Variants in FBXL13 observed in about 807,000 individuals in gnomAD.
FBXL13 encodes the protein F-box and leucine-rich repeat protein 13.
A neutral mutation model predicts 83.6 loss-of-function variants in FBXL13; 67 were observed. The observed-to-expected ratio is 0.80, with a 90% CI of 0.66 to 0.98. FBXL13 has a LOEUF of 0.98. FBXL13 is among the 50% of genes least tolerant of loss of function. FBXL13 has a pLI of 0.00. For synonymous variants in FBXL13, 272 were observed against 299.5 expected (o/e 0.91, Z 0.95); for missense variants, 822 against 866.5 (o/e 0.95, Z 0.64).
At chr7:102,930,392 G>A (rs1389674747) in intron 9 of FBXL13, among the ~76,000 whole-genome samples, 1 of 151,926 alleles carries the variant, frequency 6.6e-6, no homozygotes, top group African/African-American at 2.4e-5. Flanking sequence ...CCATTTCCCT[G>A]CCCCTGTTTT....
At chr7:103,026,729 T>G (rs1793959797) in intron 5 of FBXL13, among the ~76,000 whole-genome samples, 2 of 152,206 alleles carry the variant, frequency 1.3e-5, no homozygotes. Flanking sequence ...TCTCAACATC[T>G]GAACCAAATT....
intron 6 of FBXL13, among the ~76,000 whole-genome samples, chr7:102,992,172 A>T (rs1829645367): frequency 6.6e-6 from 1 of 152,170 alleles, no homozygotes; most frequent in East Asian, 1.9e-4. Context: ...TGAAGGGAGA[A>T]AAAGAACAGC....
At chr7:103,011,693 T>C (rs932157602) in intron 6 of FBXL13, among the ~76,000 whole-genome samples, 3 of 145,508 alleles carry the variant, frequency 2.1e-5, no homozygotes, top group African/African-American at 7.6e-5. Flanking sequence ...AAAAACACAA[T>C]AATGTACTTG....
chr7:102,954,148 A>G (rs1208544648), intron 8 of FBXL13, among the ~76,000 whole-genome samples: 2 of 152,172 alleles, frequency 1.3e-5, no homozygotes, highest in Admixed American at 6.6e-5. Context: ...CAGGAAGCAC[A>G]AGGGGTCGGG....
chr7:102,852,434 C>T (rs943487836), intron 17 of FBXL13, among the ~76,000 whole-genome samples: 1 of 152,114 alleles, frequency 6.6e-6, no homozygotes, highest in African/African-American at 2.4e-5. Context: ...ACAATCTATA[C>T]ATCTGACAAA....
At chr7:103,064,115 A>G (rs746693493) in intron 1 of FBXL13, among the ~76,000 whole-genome samples, 1 of 152,150 alleles carries the variant, frequency 6.6e-6, no homozygotes, top group Non-Finnish European at 1.5e-5. Flanking sequence ...GTAATTGCCA[A>G]TGTTCCCAGG....
chr7:103,033,711 A>G (rs953096559), intron 2 of FBXL13, among the ~76,000 whole-genome samples: 2 of 152,230 alleles, frequency 1.3e-5, no homozygotes, highest in African/African-American at 4.8e-5. Context: ...TGTGGACCCA[A>G]AGAGTGAGCA....
chr7:102,835,701 C>T (rs1036336232), intron 17 of FBXL13, among the ~76,000 whole-genome samples: 2 of 137,666 alleles, frequency 1.5e-5, no homozygotes, highest in Non-Finnish European at 3.0e-5. Context: ...GCTCCGCCTC[C>T]CGGGTTCACG....
chr7:102,929,229 A>T (rs919414621), intron 9 of FBXL13, among the ~76,000 whole-genome samples: 6 of 152,200 alleles, frequency 3.9e-5, no homozygotes, highest in African/African-American at 1.4e-4. Context: ...GATGGATTTC[A>T]TGGGGAAAAA....
At chr7:102,921,162 G>A (rs564936362) in intron 10 of FBXL13, among the ~76,000 whole-genome samples, 5 of 151,712 alleles carry the variant, frequency 3.3e-5, no homozygotes, top group Admixed American at 1.3e-4. Flanking sequence ...AAAACAAAGC[G>A]AATTCAAGGC....
In FBXL13 at chr7:102,868,090, T is replaced by C. The variant is rs187331522; in HGVS notation, c.1635+9377A>G. 6.9e-3 allele frequency among the ~76,000 whole-genome samples: 1,056 copies of C among 152,294 alleles called. 7 individuals carry two copies. The highest frequency in any genetic ancestry group is 0.024 in the African/African-American group (995 of 41,554). On this transcript the variant is annotated intron_variant, in intron 16 of 19. Coordinates refer to ENST00000313221, the Ensembl canonical transcript of FBXL13. ...TGTGATGTTTCAACACATGTAGACATTGTGTAATGATCAAATCAGAGTAAT... is the reference window on the plus strand; with the variant it reads ...TGTGATGTTTCAACACATGTAGACACTGTGTAATGATCAAATCAGAGTAAT...
At chr7:103,014,951 A>T (rs892767589) in intron 6 of FBXL13, among the ~76,000 whole-genome samples, 1 of 151,262 alleles carries the variant, frequency 6.6e-6, no homozygotes, top group Non-Finnish European at 1.5e-5. Context: ...AAAAAAAGAA[A>T]ATACTAGCAA....
intron 6 of FBXL13, chr7:102,975,804 T>C: frequency 1.7e-6 from 1 of 603,132 alleles, no homozygotes; most frequent in South Asian, 2.0e-5. Flanking sequence ...ACTTTCTTAA[T>C]TTAGCCTTCA....
chr7:103,023,072 C>T (rs1293275926), intron 6 of FBXL13, among the ~76,000 whole-genome samples: 4 of 151,990 alleles, frequency 2.6e-5, no homozygotes, highest in African/African-American at 9.7e-5. Flanking sequence ...GTCAGGAGAT[C>T]GAGACCATCC....
intron 16 of FBXL13, among the ~76,000 whole-genome samples, chr7:102,855,531 G>A (rs2129451588): frequency 6.6e-6 from 1 of 152,084 alleles, no homozygotes; most frequent in African/African-American, 2.4e-5. Context: ...GACTAATGTG[G>A]CTTATTGATG....
Position 103,070,436 on chromosome 7 carries a change from G to A in FBXL13, c.-105+3810C>T, listed in dbSNP as rs531364339. Among the ~76,000 whole-genome samples the A allele has an allele frequency of 9.2e-5, 14 of 152,044 alleles. No individual in the cohort carries two copies. In the East Asian group the frequency reaches 9.7e-4, roughly 11 times the overall value. ...TAGAGACAGGGTTTCAGCTGGTCTC[G>A]AACTCCTGGCCTCAAGTGATCCACC... On this transcript the variant is annotated intron_variant, in intron 1 of 19. Coordinates refer to ENST00000313221, the Ensembl canonical transcript of FBXL13.
intron 16 of FBXL13, among the ~76,000 whole-genome samples, chr7:102,867,695 A>ATATATTTT (rs1239781180): frequency 6.1e-5 from 3 of 49,078 alleles, no homozygotes; most frequent in African/African-American, 3.7e-4. Context: ...ATATATATAT[A>ATATATTTT]TTTTTTTTTT....
chr7:103,039,121 C>T (rs1021617603), intron 2 of FBXL13, among the ~76,000 whole-genome samples: 1 of 152,060 alleles, frequency 6.6e-6, no homozygotes, highest in Admixed American at 6.5e-5. Context: ...GTAGAGAAGA[C>T]CTTAAATGAC....
intron 2 of FBXL13, among the ~76,000 whole-genome samples, chr7:103,029,691 T>G (rs1794304293): frequency 6.6e-6 from 1 of 152,182 alleles, no homozygotes; most frequent in African/African-American, 2.4e-5. Context: ...ATCATGGCAT[T>G]GTTATGATAA....
Sources: gnomAD v4.1 joint callset for allele counts (sites outside exome capture counted in the v4.1 genomes callset) on GRCh38, gnomAD v4.1.1 for gene constraint, MANE v1.5 for transcripts, NCBI Gene and HGNC (gene_info 2026-07-23, HGNC 2026-07-21) for gene names.